Variants in SHOC2 observed in about 807,000 individuals in gnomAD.
SHOC2 encodes the protein SHOC2 leucine rich repeat scaffold protein, also known as leucine-rich repeat protein SHOC-2.
SHOC2 carries 4 observed loss-of-function variants against 50.2 expected under a neutral mutation model. That is an observed-to-expected ratio of 0.08 (90% CI 0.04 to 0.18). SHOC2 has a LOEUF of 0.18. Among genes scored for constraint, SHOC2 ranks in the 10% least tolerant of loss-of-function variants. The probability of loss-of-function intolerance (pLI) is 1.00; values close to 1 mark genes in which losing one functional copy is unlikely to be tolerated. For synonymous variants in SHOC2, 218 were observed against 244.5 expected, an observed-to-expected ratio of 0.89 and a Z score of 1.01; for missense variants, 388 against 669.6, an observed-to-expected ratio of 0.58 and a Z score of 4.64.
intron 4 of SHOC2, among the ~76,000 whole-genome samples, chr10:111,002,320 C>A (rs938344642): frequency 3.3e-5 from 5 of 152,082 alleles, no homozygotes; most frequent in Non-Finnish European, 7.4e-5. Flanking sequence ...ACAATAAAAT[C>A]CATTAGACAG....
chr10:110,941,754 A>G (rs567412283), intron 1 of SHOC2, among the ~76,000 whole-genome samples: 1 of 152,248 alleles, frequency 6.6e-6, no homozygotes, highest in East Asian at 1.9e-4. Context: ...TTGTGGGGCA[A>G]AACTTTTTAA....
chr10:110,983,243 G>A (rs1297271850), intron 2 of SHOC2, among the ~76,000 whole-genome samples: 1 of 151,752 alleles, frequency 6.6e-6, no homozygotes, highest in East Asian at 1.9e-4. Flanking sequence ...TCATGGCAGA[G>A]GGCTATAAAC....
At chr10:110,997,575 T>TA (rs1243923069) in intron 3 of SHOC2, among the ~76,000 whole-genome samples, 19 of 152,306 alleles carry the variant, frequency 1.2e-4, no homozygotes, top group African/African-American at 4.3e-4. Context: ...TTTCACATCT[T>TA]AAAACTTTTT....
Position 111,009,245 on chromosome 10 carries a change from TA to T in SHOC2, c.1285-2del. 1 of 1,541,258 alleles carries T rather than the reference TA, an allele frequency of 6.5e-7. No individual in the cohort carries two copies. The highest frequency in any genetic ancestry group is 9.0e-7 in the Non-Finnish European group (1 of 1,115,504). On this transcript the variant is annotated splice_acceptor_variant, in intron 6 of 8. Transcript: ENST00000369452. LOFTEE classifies it high-confidence loss of function. Reference sequence around the variant, plus strand: ...CTAAACATTATCAATAATTTCTCATTAGGTTCTTATCTTATCAAACAATCTT... The same window carrying T: ...CTAAACATTATCAATAATTTCTCATTGGTTCTTATCTTATCAAACAATCTT...
chr10:110,943,036 G>A (rs1847179393), intron 1 of SHOC2, among the ~76,000 whole-genome samples: 1 of 152,154 alleles, frequency 6.6e-6, no homozygotes, highest in South Asian at 2.1e-4. Context: ...TCTGTCAGCA[G>A]TTTGATAATC....
Position 110,922,002 on chromosome 10 carries a change from A to G in SHOC2, c.-235+2345A>G, listed in dbSNP as rs147920991. ...TTAGTTTTTAAACTACCGTATTCAG[A>G]AAGTTCATCAGAGCTGTTTTTCTGG... is the stretch of plus-strand genomic sequence containing the variant. On this transcript the variant is annotated intron_variant, in intron 1 of 8. Transcript: ENST00000369452. Among the ~76,000 whole-genome samples the G allele has an allele frequency of 5.9e-3, 895 of 152,212 alleles. 9 individuals are homozygous for G. The highest frequency in any genetic ancestry group is 0.03 in the South Asian group (146 of 4,834).
At chr10:110,977,394 C>T (rs368735969) in intron 2 of SHOC2, among the ~76,000 whole-genome samples, 6 of 152,032 alleles carry the variant, frequency 3.9e-5, no homozygotes, top group Admixed American at 3.3e-4. Context: ...TAGAAGCATG[C>T]ACCACCACAC....
intron 1 of SHOC2, among the ~76,000 whole-genome samples, chr10:110,958,909 C>G (rs769027379): frequency 6.6e-6 from 1 of 152,044 alleles, no homozygotes; most frequent in African/African-American, 2.4e-5. Flanking sequence ...CAATTGTTCT[C>G]AAGTACATCA....
intron 2 of SHOC2, among the ~76,000 whole-genome samples, chr10:110,982,549 T>G (rs1329004009): frequency 6.6e-6 from 1 of 152,048 alleles, no homozygotes; most frequent in Non-Finnish European, 1.5e-5. Context: ...ATTGCCATTC[T>G]AACTGGTGTG....
At position 111,011,889 on chromosome 10, in the gene SHOC2, C is replaced by A; in HGVS notation, c.*71C>A. 1 of 1,217,254 alleles carries A rather than the reference C, an allele frequency of 8.2e-7. No individual in the cohort carries two copies. Among genetic ancestry groups the A allele is most frequent in the Non-Finnish European group, 1.2e-6 (1 of 825,324 alleles). The allele number at this position is 1,217,254 out of a possible 1,614,324, so 75.4% of individuals were successfully genotyped here. On this transcript the variant is annotated 3_prime_UTR_variant, in exon 9 of 9. Transcript: ENST00000369452. ...TAATGTTTCTTATCTATATCTGTATCTATTTATGTAGATATTGGTATATGG... is the reference window on the plus strand; with the variant it reads ...TAATGTTTCTTATCTATATCTGTATATATTTATGTAGATATTGGTATATGG...
chr10:110,989,578 A>T (rs1451538390), intron 3 of SHOC2, among the ~76,000 whole-genome samples: 1 of 152,116 alleles, frequency 6.6e-6, no homozygotes, highest in Admixed American at 6.5e-5. Flanking sequence ...AGGTAGTTCT[A>T]CCTTCTTCTG....
intron 2 of SHOC2, among the ~76,000 whole-genome samples, chr10:110,974,964 A>G (rs2134134399): frequency 6.6e-6 from 1 of 152,274 alleles, no homozygotes; most frequent in South Asian, 2.1e-4. Context: ...AAAAGTTTCA[A>G]AACCATTTTG....
chr10:110,999,103 A>G (rs1051948287), intron 3 of SHOC2, among the ~76,000 whole-genome samples: 1 of 152,258 alleles, frequency 6.6e-6, no homozygotes, highest in Non-Finnish European at 1.5e-5. Flanking sequence ...CAAAAAGTTA[A>G]GTGTTGACAC....
rs537006669 is a variant in SHOC2 at position 110,940,626 on chromosome 10, A to G, written c.-235+20969A>G. Among the ~76,000 whole-genome samples the G allele has an allele frequency of 2.0e-4, 31 of 152,286 alleles. No individual in the cohort carries two copies. The South Asian group carries it at 6.0e-3, about 29-fold the overall frequency. ...TAGGTATTGCAGCATGTTTATGAAC[A>G]TTTCAATTTACTGATTCTGTTTATT... On this transcript the variant is annotated intron_variant, in intron 1 of 8. Coordinates refer to ENST00000369452, the MANE Select transcript of SHOC2 (RefSeq NM_007373.4).
intron 2 of SHOC2, among the ~76,000 whole-genome samples, chr10:110,972,809 C>A (rs1847807966): frequency 6.6e-6 from 1 of 152,026 alleles, no homozygotes; most frequent in South Asian, 2.1e-4. Flanking sequence ...TGTAGTCCAG[C>A]CTGGGTGGCA....
At chr10:110,962,103 A>C (rs931856491) in intron 1 of SHOC2, among the ~76,000 whole-genome samples, 14 of 152,012 alleles carry the variant, frequency 9.2e-5, no homozygotes, top group African/African-American at 1.9e-4. Flanking sequence ...TTTACTTTTT[A>C]TTTCTTTCCA....
intron 1 of SHOC2, among the ~76,000 whole-genome samples, chr10:110,942,330 C>A (rs1427880535): frequency 6.6e-6 from 1 of 152,056 alleles, no homozygotes; most frequent in Non-Finnish European, 1.5e-5. Flanking sequence ...TCACTGGCAA[C>A]AAATATTCTG....
intron 7 of SHOC2, 90 bp from the exon 8 acceptor site, chr10:111,009,618 GTTAAT>G (rs1848531855): frequency 2.3e-6 from 2 of 880,264 alleles, no homozygotes; most frequent in South Asian, 2.9e-5. Flanking sequence ...TGGTTTCCCT[GTTAAT>G]TTATTTTATT....
At chr10:110,963,757 TCTCATAGGG>T (rs1312769807) in intron 1 of SHOC2, among the ~76,000 whole-genome samples, 1 of 152,192 alleles carries the variant, frequency 6.6e-6, no homozygotes, top group Non-Finnish European at 1.5e-5. Flanking sequence ...TAACAATGTA[TCTCATAGGG>T]CTGTTGTATG....
Sources: gnomAD v4.1 joint callset for allele counts (sites outside exome capture counted in the v4.1 genomes callset) on GRCh38, gnomAD v4.1.1 for gene constraint, MANE v1.5 for transcripts, NCBI Gene and HGNC (gene_info 2026-07-23, HGNC 2026-07-21) for gene names.